The following C3orf20 variants were observed in gnomAD, a reference collection of about 807,000 sequenced individuals.
C3orf20 encodes family with sequence similarity 149 member C.
A neutral mutation model predicts 88.3 loss-of-function variants in C3orf20; 76 were observed. The observed-to-expected ratio is 0.86, with a 90% CI of 0.72 to 1.04. The LOEUF is 1.04. Ranked by LOEUF, C3orf20 falls within the 50% of genes least tolerant of loss-of-function variation. The pLI, the probability that C3orf20 is intolerant of heterozygous loss-of-function variation, is 0.00. For missense variants in C3orf20, 1,056 were observed against 1,123.3 expected, an observed-to-expected ratio of 0.94 and a Z score of 0.86; for synonymous variants, 436 against 437.4, an observed-to-expected ratio of 1.00 and a Z score of 0.04.
At chr3:14,708,939 C>T (rs537325414) in intron 7 of C3orf20, among the ~76,000 whole-genome samples, 9 of 152,176 alleles carry the variant, frequency 5.9e-5, no homozygotes, top group African/African-American at 1.4e-4. Context: ...CCACCACACC[C>T]GGCCAACAAT....
Position 14,750,058 on chromosome 3 carries a change from A to G in C3orf20, c.1941-7313A>G, listed in dbSNP as rs551087778. ...GACAATACTTCTTTTATGTTTACCT[A>G]TGTAGTTACCTTTATCAGTGTTCTT... On this transcript the variant is annotated intron_variant, in intron 12 of 16. Coordinates refer to ENST00000253697, the MANE Select transcript of C3orf20 (RefSeq NM_032137.5). Among the ~76,000 whole-genome samples the G allele has an allele frequency of 3.3e-5, 5 of 151,968 alleles. No individual in the cohort carries two copies. In the South Asian group the frequency reaches 1.0e-3, roughly 32 times the overall value.
rs192159099 is a variant in C3orf20 at position 14,717,640 on chromosome 3, C to A, written c.1434+2231C>A. ...GGCTGCAGGGGCCAATTTGTTTTTG[C>A]CCAGATGTTTACTATTTCCAGTGTT... On this transcript the variant is annotated intron_variant, in intron 9 of 16. Coordinates refer to ENST00000253697, the MANE Select transcript of C3orf20 (RefSeq NM_032137.5). Among the ~76,000 whole-genome samples the A allele has an allele frequency of 4.1e-4, 63 of 152,148 alleles. 1 individual carries two copies. The highest frequency in any genetic ancestry group is 3.1e-4 in the Non-Finnish European group (21 of 67,996).
At chr3:14,749,725 A>G (rs1575151033) in intron 12 of C3orf20, among the ~76,000 whole-genome samples, 1 of 145,072 alleles carries the variant, frequency 6.9e-6, no homozygotes, top group Non-Finnish European at 1.5e-5. Context: ...ATGGTTTTGA[A>G]TTCCTTCTCA....
intron 13 of C3orf20, among the ~76,000 whole-genome samples, chr3:14,758,709 T>G (rs1025833038): frequency 6.6e-6 from 1 of 152,162 alleles, no homozygotes; most frequent in Admixed American, 6.5e-5. Flanking sequence ...CTCCCAGAAG[T>G]GGCCCCTCCC....
intron 5 of C3orf20, among the ~76,000 whole-genome samples, chr3:14,695,933 AC>A (rs2032976856): frequency 6.6e-6 from 1 of 151,474 alleles, no homozygotes; most frequent in African/African-American, 2.4e-5. Context: ...CCATCCAACA[AC>A]CCTATGTCGT....
intron 15 of C3orf20, among the ~76,000 whole-genome samples, chr3:14,767,796 C>T (rs954445119): frequency 2.0e-5 from 3 of 152,264 alleles, no homozygotes; most frequent in Non-Finnish European, 4.4e-5. Flanking sequence ...TGCGCCCTCA[C>T]GGGCCTGCTC....
intron 12 of C3orf20, among the ~76,000 whole-genome samples, chr3:14,748,347 C>CT (rs1162364110): frequency 6.6e-6 from 1 of 151,980 alleles, no homozygotes; most frequent in Non-Finnish European, 1.5e-5. Context: ...TAATTTGCAA[C>CT]TTTTCTCTTT....
rs199661018 is a variant in C3orf20, at chr3:14,757,595, C to T, written c.2165C>T (p.Thr722Ile). The T allele has an allele frequency of 4.3e-6, 7 of 1,614,096 alleles. No individual in the cohort carries two copies. The highest frequency in any genetic ancestry group is 5.9e-6 in the Non-Finnish European group (7 of 1,180,010). Residue 722 changes from threonine to isoleucine, a missense_variant, in exon 13 of 17, where the codon ACC (threonine) becomes ATC (isoleucine). Coordinates refer to ENST00000253697, the MANE Select transcript of C3orf20 (RefSeq NM_032137.5). ...VFGIISSQNY[T>I]STGQLQWLLN... ...GGGATCATCTCAAGCCAGAACTACA[C>T]CAGCACTGGGCAGCTCCAGTGGCTG...
At chr3:14,739,918 C>T (rs1479525721) in intron 12 of C3orf20, among the ~76,000 whole-genome samples, 1 of 152,198 alleles carries the variant, frequency 6.6e-6, no homozygotes, top group Non-Finnish European at 1.5e-5. Flanking sequence ...AGAGCTTGGG[C>T]CTTGCTCCAG....
chr3:14,684,211 G>A, intron 3 of C3orf20, 31 bp from the exon 4 acceptor site: 2 of 1,612,002 alleles, frequency 1.2e-6, no homozygotes, highest in Non-Finnish European at 1.7e-6. Context: ...ATGCTAGGAG[G>A]GACACGTGTT....
rs141452704 is a variant in C3orf20 at position 14,698,280 on chromosome 3, G to A, written c.746-4850G>A. On this transcript the variant is annotated intron_variant, in intron 5 of 16. Transcript: ENST00000253697. ...TGTTTCTCCAGAATTGGTCACTGGT[G>A]CCTTATTTAGTTCATTTTGTGAAAT... Among the ~76,000 whole-genome samples the A allele has an allele frequency of 1.3e-3, 191 of 152,340 alleles. 1 individual carries two copies. Among genetic ancestry groups the A allele is most frequent in the African/African-American group, 4.5e-3 (185 of 41,572 alleles).
intron 5 of C3orf20, among the ~76,000 whole-genome samples, chr3:14,692,342 G>T (rs1252970001): frequency 1.3e-5 from 2 of 152,160 alleles, no homozygotes; most frequent in Non-Finnish European, 2.9e-5. Context: ...CATAGTGGTT[G>T]TGCTAATTGA....
At chr3:14,713,929 G>A in intron 7 of C3orf20, 78 bp from the exon 8 acceptor site, 1 of 1,514,934 alleles carries the variant, frequency 6.6e-7, no homozygotes, top group East Asian at 2.3e-5. Context: ...ACTTTGACAT[G>A]TGGACTTGCT....
intron 12 of C3orf20, among the ~76,000 whole-genome samples, chr3:14,745,699 A>G (rs866514249): frequency 9.2e-5 from 14 of 152,388 alleles, no homozygotes; most frequent in African/African-American, 3.4e-4. Context: ...TGTCAAATTA[A>G]TCACCATAAG....
rs61736139 is a variant in C3orf20 at position 14,684,369 on chromosome 3, A to G, written c.612A>G (p.Gly204=). 1.9e-6 allele frequency: 3 copies of G among 1,613,982 alleles called. No homozygotes were observed. The African/African-American group carries it at 4.0e-5, about 22-fold the overall frequency. ...STAGRSGYSS[G]QLWKESLANM... Reference sequence around the variant, plus strand: ...CCGGGAGAAGTGGCTACAGCAGCGGACAGTTGTGGAAAGGTGGGTACCTGA... The same window carrying G: ...CCGGGAGAAGTGGCTACAGCAGCGGGCAGTTGTGGAAAGGTGGGTACCTGA... The change falls in exon 4 of 17, where the codon GGA becomes GGG. Residue 204 remains glycine, a synonymous_variant. Transcript: ENST00000253697.
intron 12 of C3orf20, among the ~76,000 whole-genome samples, chr3:14,742,694 A>G (rs1323171887): frequency 1.3e-5 from 2 of 152,144 alleles, no homozygotes; most frequent in South Asian, 2.1e-4. Context: ...ACATACCCGA[A>G]ACTGGGAACA....
intron 15 of C3orf20, among the ~76,000 whole-genome samples, chr3:14,764,137 G>C (rs577132006): frequency 6.6e-6 from 1 of 150,862 alleles, no homozygotes; most frequent in South Asian, 2.1e-4. Flanking sequence ...CACAGAAGTA[G>C]ACACAAACTA....
chr3:14,727,123 C>T (rs1413095028), intron 11 of C3orf20, 99 bp downstream of exon 11: 3 of 1,331,046 alleles, frequency 2.3e-6, no homozygotes, highest in African/African-American at 1.4e-5. Flanking sequence ...ACTTTACCGC[C>T]CATTCCATCT....
intron 12 of C3orf20, among the ~76,000 whole-genome samples, chr3:14,744,942 C>T (rs1029359446): frequency 6.6e-6 from 1 of 152,206 alleles, no homozygotes; most frequent in African/African-American, 2.4e-5. Context: ...ATTCCTTCTT[C>T]CTGTGTACTC....
Sources: allele counts gnomAD v4.1 joint callset (sites outside exome capture counted in the v4.1 genomes callset), GRCh38; gene constraint gnomAD v4.1.1; transcripts MANE v1.5; gene names NCBI Gene and HGNC (gene_info 2026-07-23, HGNC 2026-07-21).